The following STK40 variants were observed in gnomAD, a reference collection of about 807,000 sequenced individuals.
STK40 encodes the protein serine/threonine kinase 40, also known as serine/threonine-protein kinase 40.
Under a neutral mutation model 47.9 loss-of-function variants are expected in STK40, and 13 were observed. That is an observed-to-expected ratio of 0.27 (90% CI 0.18 to 0.43). The LOEUF is 0.43. Among genes scored for constraint, STK40 ranks in the 20% least tolerant of loss-of-function variants. STK40 has a pLI of 1.00. For synonymous variants in STK40, 225 were observed against 243.2 expected, an observed-to-expected ratio of 0.93 and a Z score of 0.69; for missense variants, 460 against 595.1, an observed-to-expected ratio of 0.77 and a Z score of 2.36.
intron 1 of STK40, among the ~76,000 whole-genome samples, chr1:36,371,411 G>A (rs1269189450): frequency 2.6e-5 from 4 of 150,980 alleles, no homozygotes; most frequent in Non-Finnish European, 5.9e-5. Flanking sequence ...AAAATTAGCC[G>A]GGCGTGCTGG....
chr1:36,367,323 G>C (rs1646911210), intron 1 of STK40, among the ~76,000 whole-genome samples: 1 of 152,352 alleles, frequency 6.6e-6, no homozygotes, highest in South Asian at 2.1e-4. Flanking sequence ...CTGAAAGCAG[G>C]GGGTTCCATT....
intron 1 of STK40, among the ~76,000 whole-genome samples, chr1:36,380,959 A>ATC (rs1281459590): frequency 6.6e-6 from 1 of 151,922 alleles, no homozygotes; most frequent in Non-Finnish European, 1.5e-5. Flanking sequence ...AGCCATCCCT[A>ATC]TCTCTGCACT....
chr1:36,383,752 G>A (rs759153027), intron 1 of STK40, among the ~76,000 whole-genome samples: 1 of 151,988 alleles, frequency 6.6e-6, no homozygotes, highest in African/African-American at 2.4e-5. Context: ...TGCTTCACTT[G>A]CACCATATCA....
At chr1:36,353,734 G>C (rs1392095082) in intron 6 of STK40, among the ~76,000 whole-genome samples, 3 of 152,154 alleles carry the variant, frequency 2.0e-5, no homozygotes, top group East Asian at 3.8e-4. Context: ...TCCCACTCTC[G>C]AGTTTTTCAG....
intron 7 of STK40, among the ~76,000 whole-genome samples, chr1:36,345,988 TA>T (rs1193901154): frequency 2.5e-4 from 7 of 28,212 alleles, no homozygotes; most frequent in Non-Finnish European, 5.6e-4. Context: ...TATATATATA[TA>T]TATTTTTTTT....
At chr1:36,367,838 T>C in intron 1 of STK40, 2 of 985,666 alleles carry the variant, frequency 2.0e-6, no homozygotes, top group Non-Finnish European at 2.4e-6. Context: ...GCACACATGC[T>C]GGCAATTACC....
chr1:36,373,300 G>A (rs1328519197), intron 1 of STK40, among the ~76,000 whole-genome samples: 1 of 152,202 alleles, frequency 6.6e-6, no homozygotes, highest in Non-Finnish European at 1.5e-5. Flanking sequence ...CTGCAGGTAT[G>A]TCTTTTTTTC....
rs1186129272 is a variant in STK40, at chr1:36,383,987, C to A, written c.-9+1736G>T. On this transcript the variant is annotated intron_variant, in intron 1 of 10. Transcript: ENST00000373132. ...CAGCTTTCTCCCTTTCTCCACTGGG[C>A]TCCCACAGTACTCTCTTGCTGCTGC... Among the ~76,000 whole-genome samples, 8 of 151,786 alleles carry A rather than the reference C, an allele frequency of 5.3e-5. No individual in the cohort carries two copies. The East Asian group carries it at 1.5e-3, about 29-fold the overall frequency.
chr1:36,370,042 G>T (rs1162832508), intron 1 of STK40, among the ~76,000 whole-genome samples: 1 of 152,246 alleles, frequency 6.6e-6, no homozygotes, highest in Non-Finnish European at 1.5e-5. Context: ...GAGACAGGGT[G>T]CCACAGCTGT....
intron 7 of STK40, 106 bp from the exon 8 acceptor site, chr1:36,344,370 C>A (rs998041630): frequency 3.5e-6 from 5 of 1,434,956 alleles, no homozygotes; most frequent in African/African-American, 2.8e-5. Flanking sequence ...CACTTCCAGT[C>A]CCCCCAGAGT....
chr1:36,364,200 T>A (rs140608055), intron 1 of STK40, among the ~76,000 whole-genome samples: 3 of 152,156 alleles, frequency 2.0e-5, no homozygotes, highest in African/African-American at 7.2e-5. Flanking sequence ...GTCATACTTA[T>A]CTGTCTCCCT....
chr1:36,343,958 G>A lies in STK40; in HGVS notation c.906C>T (p.Asn302=). Residue 302 remains asparagine, a synonymous_variant, in exon 9 of 11, where the codon AAC becomes AAT. Coordinates refer to ENST00000373132, the MANE Select transcript of STK40 (RefSeq NM_001282547.2). ...TIPEDGRVSE[N]TVCLIRKLLV... ...GCAGCTTCCGGATGAGACACACGGT[G>A]TTCTCAGAAACCCGTCCATCCCTGA... 1 of 1,606,512 alleles carries A rather than the reference G, an allele frequency of 6.2e-7. No homozygotes were observed. The highest frequency in any genetic ancestry group is 8.5e-7 in the Non-Finnish European group (1 of 1,174,584).
Position 36,348,831 on chromosome 1 carries a change from A to G in STK40, c.624-16T>C. 1 of 1,583,802 alleles carries G rather than the reference A, an allele frequency of 6.3e-7. No individual in the cohort carries two copies. Among genetic ancestry groups the G allele is most frequent in the Middle Eastern group, 1.7e-4 (1 of 6,020 alleles). On this transcript the variant is annotated splice_polypyrimidine_tract_variant and intron_variant, in intron 6 of 10. Transcript: ENST00000373132. ...CCGATGTGTCCTAGGAGTGGGAGAC[A>G]GAGTGAACAAACCTCAGTGTCTATA...
chr1:36,363,451 G>A (rs1646870979), intron 1 of STK40, among the ~76,000 whole-genome samples: 1 of 152,084 alleles, frequency 6.6e-6, no homozygotes, highest in Non-Finnish European at 1.5e-5. Flanking sequence ...AGGCTCCTTG[G>A]TACAAATATA....
chr1:36,383,576 G>A (rs770013031), intron 1 of STK40, among the ~76,000 whole-genome samples: 1 of 152,208 alleles, frequency 6.6e-6, no homozygotes, highest in Non-Finnish European at 1.5e-5. Flanking sequence ...CCCTTCAGTC[G>A]CTCCTGTCCT....
intron 7 of STK40, among the ~76,000 whole-genome samples, chr1:36,345,021 C>A (rs1222680022): frequency 2.0e-5 from 3 of 152,266 alleles, no homozygotes; most frequent in Admixed American, 6.5e-5. Context: ...CCACATCTGA[C>A]TGTCAGGCTC....
chr1:36,364,487 T>C (rs1446673606), intron 1 of STK40, among the ~76,000 whole-genome samples: 1 of 152,218 alleles, frequency 6.6e-6, no homozygotes, highest in African/African-American at 2.4e-5. Flanking sequence ...TGAGGTTGAA[T>C]TTGTTTCATA....
chr1:36,374,802 C>T (rs965380194), intron 1 of STK40, among the ~76,000 whole-genome samples: 14 of 152,160 alleles, frequency 9.2e-5, no homozygotes, highest in Non-Finnish European at 1.9e-4. Context: ...GGCAGGTCTT[C>T]CCTGTCATAC....
At chr1:36,353,500 G>A (rs929018101) in intron 6 of STK40, among the ~76,000 whole-genome samples, 2 of 152,212 alleles carry the variant, frequency 1.3e-5, no homozygotes, top group Admixed American at 6.5e-5. Flanking sequence ...CAACAAGGGT[G>A]GGCCGCCAGA....
Sources: gnomAD v4.1 joint callset for allele counts (sites outside exome capture counted in the v4.1 genomes callset) on GRCh38, gnomAD v4.1.1 for gene constraint, MANE v1.5 for transcripts, NCBI Gene and HGNC (gene_info 2026-07-23, HGNC 2026-07-21) for gene names.